Variants in FAM20C observed in about 807,000 individuals in gnomAD.
The protein encoded by FAM20C is FAM20C golgi associated secretory pathway kinase.
A neutral mutation model predicts 51.5 loss-of-function variants in FAM20C; 40 were observed. The ratio of observed to expected loss-of-function variants is 0.78; its 90% CI spans 0.60 to 1.01. FAM20C has a LOEUF of 1.01. FAM20C is among the 50% of genes least tolerant of loss of function. FAM20C has a pLI of 0.00. For synonymous variants in FAM20C, 406 were observed against 380.6 expected, an observed-to-expected ratio of 1.07 and a Z score of -0.78; for missense variants, 861 against 844.7, an observed-to-expected ratio of 1.02 and a Z score of -0.24.
Position 260,606 on chromosome 7 carries a change from C to G in FAM20C, c.*626C>G, listed in dbSNP as rs1788839788. Reference sequence around the variant, plus strand: ...GAGTCCGCCCGCTGGCCTGCAGCACCCACCTCGGACTTGGCTGTGGACGGT... The same window carrying G: ...GAGTCCGCCCGCTGGCCTGCAGCACGCACCTCGGACTTGGCTGTGGACGGT... On this transcript the variant is annotated 3_prime_UTR_variant, in exon 10 of 10. Coordinates refer to ENST00000313766, the MANE Select transcript of FAM20C (RefSeq NM_020223.4). 6.6e-6 allele frequency: 1 copy of G among 152,366 alleles called. No individual in the cohort carries two copies. Among genetic ancestry groups the G allele is most frequent in the Admixed American group, 6.5e-5 (1 of 15,290 alleles). The allele number at this position is 152,366 out of a possible 1,614,324, so 9.4% of individuals were successfully genotyped here. A position where few individuals can be genotyped will look rare whatever the true frequency, so the allele number is the denominator to read the frequency against.
intron 8 of FAM20C, chr7:257,413 A>G: frequency 3.6e-6 from 1 of 276,524 alleles, no homozygotes; most frequent in Middle Eastern, 1.1e-3. Flanking sequence ...CTCTGCCTGC[A>G]CGCGGTACCT....
At chr7:232,627 A>G (rs983699219) in intron 3 of FAM20C, among the ~76,000 whole-genome samples, 3 of 152,262 alleles carry the variant, frequency 2.0e-5, no homozygotes, top group African/African-American at 7.2e-5. Flanking sequence ...AACGTTTTCT[A>G]TTTTCCCACA....
intron 2 of FAM20C, among the ~76,000 whole-genome samples, chr7:200,907 G>A (rs1213204900): frequency 6.6e-6 from 1 of 152,178 alleles, no homozygotes; most frequent in Non-Finnish European, 1.5e-5. Context: ...TAGCCTCCTT[G>A]ATGCCAGCCC....
rs571883318 is a variant in FAM20C, at chr7:207,314, G to A, written c.785-1584G>A. On this transcript the variant is annotated intron_variant, in intron 2 of 9. Coordinates refer to ENST00000313766, the MANE Select transcript of FAM20C (RefSeq NM_020223.4). ...GCCCCGCACACGTGTCCACTGTGACGCGTCGGTCACTGTCCCCTCGGCCCC... is the reference window on the plus strand; with the variant it reads ...GCCCCGCACACGTGTCCACTGTGACACGTCGGTCACTGTCCCCTCGGCCCC... Among the ~76,000 whole-genome samples, 13 of 119,144 alleles carry A rather than the reference G, an allele frequency of 1.1e-4. No individual in the cohort carries two copies. The East Asian group carries it at 4.0e-3, about 37-fold the overall frequency. The allele number at this position is 119,144 out of a possible 152,430, so 78.2% of individuals were successfully genotyped here.
intron 3 of FAM20C, among the ~76,000 whole-genome samples, chr7:217,760 G>A (rs1451610953): frequency 1.3e-5 from 2 of 152,148 alleles, no homozygotes; most frequent in Non-Finnish European, 2.9e-5. Flanking sequence ...ACAATGACCC[G>A]GGGCCCGCGC....
Position 253,731 on chromosome 7 carries a change from C to T in FAM20C, c.1073-2118C>T, listed in dbSNP as rs371158754. ...ACACAGCTCCAAGCCCTCCTAACCC[C>T]GCCCGGGAGGCCCCTTTAATACCCG... On this transcript the variant is annotated intron_variant, in intron 5 of 9. Transcript: ENST00000313766. Among the ~76,000 whole-genome samples the T allele has an allele frequency of 3.0e-4, 45 of 152,230 alleles. 1 individual carries two copies. Among genetic ancestry groups the T allele is most frequent in the African/African-American group, 1.0e-3 (43 of 41,556 alleles).
At position 195,120 on chromosome 7, in the gene FAM20C, G is replaced by A. The variant is rs149434794; in HGVS notation, c.606-434G>A. The A allele has an allele frequency of 6.8e-3, 1,119 of 164,904 alleles. 11 individuals are homozygous for A. The highest frequency in any genetic ancestry group is 0.025 in the African/African-American group (1,035 of 42,092). 10.2% of individuals were successfully genotyped at this position (164,904 alleles called of 1,614,324 possible). On this transcript the variant is annotated intron_variant, in intron 1 of 9. Transcript: ENST00000313766. ...GGGGAAGGTTCCTGACAGACTGGGC[G>A]TGTCTGTGAGTTTCATGCAGCCTGT...
chr7:212,812 A>G (rs574627387), intron 3 of FAM20C, among the ~76,000 whole-genome samples: 1 of 152,330 alleles, frequency 6.6e-6, no homozygotes, highest in Non-Finnish European at 1.5e-5. Context: ...TTATTGAGAT[A>G]TAATTCACAA....
intron 2 of FAM20C, among the ~76,000 whole-genome samples, chr7:205,004 T>C (rs1391533421): frequency 6.6e-6 from 1 of 152,186 alleles, no homozygotes; most frequent in Non-Finnish European, 1.5e-5. Flanking sequence ...ATTGCCCCCA[T>C]GTAGTCCTAA....
At chr7:245,157 C>G (rs969443697) in intron 3 of FAM20C, among the ~76,000 whole-genome samples, 1 of 152,234 alleles carries the variant, frequency 6.6e-6, no homozygotes, top group African/African-American at 2.4e-5. Context: ...AAGGACCCGG[C>G]CGGGGAAGCC....
intron 3 of FAM20C, among the ~76,000 whole-genome samples, chr7:235,966 T>G (rs2115127781): frequency 6.6e-6 from 1 of 152,332 alleles, no homozygotes; most frequent in East Asian, 1.9e-4. Context: ...TGATAACATC[T>G]TTCCACATTT....
Position 258,302 on chromosome 7 carries a change from G to A in FAM20C, c.1446-344G>A, listed in dbSNP as rs1399194360. 5.7e-4 allele frequency among the ~76,000 whole-genome samples: 60 copies of A among 104,558 alleles called. 2 individuals are homozygous for A. The highest frequency in any genetic ancestry group is 3.6e-3 in the East Asian group (12 of 3,360). The allele number at this position is 104,558 out of a possible 152,430, so 68.6% of individuals were successfully genotyped here. A position where few individuals can be genotyped will look rare whatever the true frequency, so the allele number is the denominator to read the frequency against. On this transcript the variant is annotated intron_variant, in intron 8 of 9. Transcript: ENST00000313766. ...ACCCACTGCCTGGGGTGCTGGAGAT[G>A]GGTGGGATGGACCCACTGCCCGGGG...
In FAM20C at chr7:260,568, C is replaced by T. The variant is rs1788838366; in HGVS notation, c.*588C>T. ...TACGTGGTTTTGGAGGACCCGATGACCAGGCGTCCTGCGAGTCCGCCCGCT... is the reference window on the plus strand; with the variant it reads ...TACGTGGTTTTGGAGGACCCGATGATCAGGCGTCCTGCGAGTCCGCCCGCT... On this transcript the variant is annotated 3_prime_UTR_variant, in exon 10 of 10. Coordinates refer to ENST00000313766, the MANE Select transcript of FAM20C (RefSeq NM_020223.4). The T allele has an allele frequency of 6.6e-6, 1 of 152,458 alleles. No homozygotes were observed. The highest frequency in any genetic ancestry group is 1.5e-5 in the Non-Finnish European group (1 of 68,114). The allele number at this position is 152,458 out of a possible 1,614,324, so 9.4% of individuals were successfully genotyped here.
rs945925320 is a variant in FAM20C at position 234,315 on chromosome 7, C to T, written c.864-12100C>T. On this transcript the variant is annotated intron_variant, in intron 3 of 9. Transcript: ENST00000313766. ...CTTTTACAAGGGCGACAAGCCCAGT[C>T]GGGAGTTGTGAAGTCAGCCTTTAAA... Among the ~76,000 whole-genome samples, 338 of 152,358 alleles carry T rather than the reference C, an allele frequency of 2.2e-3. 4 individuals carry two copies. The highest frequency in any genetic ancestry group is 7.7e-3 in the African/African-American group (319 of 41,582).
chr7:230,472 C>T (rs946902538), intron 3 of FAM20C, among the ~76,000 whole-genome samples: 5 of 151,596 alleles, frequency 3.3e-5, no homozygotes, highest in East Asian at 2.0e-4. Context: ...TCCCGGCGTT[C>T]GGAACACCAG....
chr7:217,499 G>A (rs80185197), intron 3 of FAM20C, among the ~76,000 whole-genome samples: 2 of 17,496 alleles, frequency 1.1e-4, no homozygotes, highest in Non-Finnish European at 2.4e-4. Context: ...ATCCTGGGGG[G>A]CGGTGCTGAG....
At chr7:220,973 GCGGAGGC>G (rs1562379211) in intron 3 of FAM20C, among the ~76,000 whole-genome samples, 6 of 143,706 alleles carry the variant, frequency 4.2e-5, no homozygotes, top group Non-Finnish European at 6.2e-5. Flanking sequence ...TGGGCACAGG[GCGGAGGC>G]TCGTCTCCAG....
chr7:232,945 C>T (rs1787743463), intron 3 of FAM20C, among the ~76,000 whole-genome samples: 1 of 152,216 alleles, frequency 6.6e-6, no homozygotes, highest in Non-Finnish European at 1.5e-5. Flanking sequence ...CCCCAGCCTT[C>T]CTGAGAGGGG....
rs371584776 is a variant in FAM20C, at chr7:259,905, C to T, written c.1680C>T (p.Cys560=). Residue 560 remains cysteine, a synonymous_variant, in exon 10 of 10, where the codon TGC becomes TGT. Coordinates refer to ENST00000313766, the MANE Select transcript of FAM20C (RefSeq NM_020223.4). ...LRVVLKAVRD[C]VERNGLHSVV... ...TCGTGCTAAAGGCCGTCCGGGACTGCGTGGAGAGGAACGGGCTCCACAGCG... is the reference window on the plus strand; with the variant it reads ...TCGTGCTAAAGGCCGTCCGGGACTGTGTGGAGAGGAACGGGCTCCACAGCG... The T allele has an allele frequency of 9.2e-5, 142 of 1,535,288 alleles. 2 individuals are homozygous for T. In the African/African-American group the frequency reaches 1.1e-3, roughly 12 times the overall value.
Sources: gnomAD v4.1 joint callset for allele counts (sites outside exome capture counted in the v4.1 genomes callset) on GRCh38, gnomAD v4.1.1 for gene constraint, MANE v1.5 for transcripts, NCBI Gene and HGNC (gene_info 2026-07-23, HGNC 2026-07-21) for gene names.